The following SLC12A4 variants were observed in gnomAD, a reference collection of about 807,000 sequenced individuals.
SLC12A4 encodes electroneutral potassium-chloride cotransporter 1.
A neutral mutation model predicts 119.2 loss-of-function variants in SLC12A4; 84 were observed. That is an observed-to-expected ratio of 0.70 (90% CI 0.59 to 0.85). The LOEUF (loss-of-function observed/expected upper bound fraction) is 0.85, where lower values mean the gene tolerates loss of function less well. SLC12A4 is among the 40% of genes least tolerant of loss of function. The pLI is 0.00. For synonymous variants in SLC12A4, 599 were observed against 604.6 expected (o/e 0.99, Z 0.14); for missense variants, 1,298 against 1,476.3 (o/e 0.88, Z 1.98).
intron 3 of SLC12A4, among the ~76,000 whole-genome samples, chr16:67,959,150 G>A (rs1016646542): frequency 2.0e-5 from 3 of 152,116 alleles, no homozygotes; most frequent in African/African-American, 7.2e-5. Context: ...GATCTAATAC[G>A]CAAATCCAGG....
intron 6 of SLC12A4, 68 bp from the exon 7 acceptor site, chr16:67,952,493 T>G: frequency 6.3e-7 from 1 of 1,590,598 alleles, no homozygotes; most frequent in East Asian, 2.2e-5. Flanking sequence ...TCGTTTTGGT[T>G]TTCTTTTTAC....
rs2058350861 is a variant in SLC12A4 at position 67,946,448 on chromosome 16, C to T, written c.2427G>A (p.Lys809=). ...CAGGCCTTCACACACCAATGAAGGT[C>T]TTCCAGGCACGGGGGTCCTCGCTCT... The part of the protein sequence containing the change: ...WRQSEDPRAW[K]TFIDTVRCTT... The change falls in exon 18 of 24, where the codon AAG becomes AAA. Residue 809 remains lysine, a synonymous_variant. Transcript: ENST00000316341. 3.1e-6 allele frequency: 5 copies of T among 1,605,560 alleles called. No homozygotes were observed. Among genetic ancestry groups the T allele is most frequent in the Non-Finnish European group, 4.2e-6 (5 of 1,179,872 alleles).
chr16:67,947,662 C>T lies in SLC12A4; in HGVS notation c.1967+7G>A. On this transcript the variant is annotated splice_region_variant and intron_variant, in intron 15 of 23. Coordinates refer to ENST00000316341, the MANE Select transcript of SLC12A4 (RefSeq NM_005072.5). ...CTGGCAGAGGCCAGGTGGCAGTGCT[C>T]ACTCACCCTTGGTACTCGATGTATT... is the stretch of plus-strand genomic sequence containing the variant. 1 of 1,594,648 alleles carries T rather than the reference C, an allele frequency of 6.3e-7. No individual in the cohort carries two copies. The highest frequency in any genetic ancestry group is 1.8e-5 in the Admixed American group (1 of 57,108).
At chr16:67,947,889 T>G in intron 14 of SLC12A4, 101 bp from the exon 15 acceptor site, 1 of 1,514,966 alleles carries the variant, frequency 6.6e-7, no homozygotes, top group Non-Finnish European at 8.9e-7. Flanking sequence ...GGGTGGGAGG[T>G]CCCAGGTGGG....
At chr16:67,948,242 G>A (rs780355691) in intron 13 of SLC12A4, 83 bp from the exon 14 acceptor site, 161 of 1,357,746 alleles carry the variant, frequency 1.2e-4, no homozygotes, top group Non-Finnish European at 1.5e-4. Flanking sequence ...GCCCAGAAAC[G>A]GGGCGTGGCC....
intron 15 of SLC12A4, 32 bp downstream of exon 15, chr16:67,947,637 C>A: frequency 6.3e-7 from 1 of 1,584,744 alleles, no homozygotes; most frequent in East Asian, 2.3e-5. Context: ...GCCCCCTCAG[C>A]TGGCAGAGGC....
chr16:67,945,621 T>G (rs2058335021), intron 21 of SLC12A4, 68 bp from the exon 22 acceptor site: 14 of 1,550,508 alleles, frequency 9.0e-6, no homozygotes, highest in Non-Finnish European at 1.2e-5. Flanking sequence ...TCTGGCCCAA[T>G]GTGACCACCT....
intron 1 of SLC12A4, among the ~76,000 whole-genome samples, chr16:67,964,940 T>C (rs1333375999): frequency 6.6e-6 from 1 of 152,230 alleles, no homozygotes; most frequent in Non-Finnish European, 1.5e-5. Context: ...AAATCAAGTG[T>C]GCCCATGACA....
In SLC12A4 at chr16:67,952,335, T is replaced by A; in HGVS notation, c.766A>T (p.Thr256Ser). The change falls in exon 7 of 24, where the codon ACC (threonine) becomes TCC (serine). Residue 256 changes from threonine to serine, a missense_variant. By Grantham distance (58) the Thr-to-Ser change is moderately conservative (BLOSUM62 1). Transcript: ENST00000316341. ...ATLNNMRVYG[T>S]IFLTFMTLVV... ...AGGGTCATGAAGGTCAGGAAAATGGTCCCATACACACGCATATTGTTCAAA... is the reference window on the plus strand; with the variant it reads ...AGGGTCATGAAGGTCAGGAAAATGGACCCATACACACGCATATTGTTCAAA... The A allele has an allele frequency of 6.2e-7, 1 of 1,614,096 alleles. No individual in the cohort carries two copies. The highest frequency in any genetic ancestry group is 8.5e-7 in the Non-Finnish European group (1 of 1,180,024).
At position 67,947,428 on chromosome 16, in the gene SLC12A4, T is replaced by C. The variant is rs377604203; in HGVS notation, c.1975A>G (p.Lys659Glu). The C allele has an allele frequency of 3.1e-6, 5 of 1,612,052 alleles. No homozygotes were observed. The highest frequency in any genetic ancestry group is 3.3e-5 in the Admixed American group (2 of 59,984). ...YKYIEYQGAEKEWGDGIRGLS... is the reference protein window; with the variant it reads ...YKYIEYQGAEEEWGDGIRGLS... The stretch of plus-strand genomic sequence containing the variant: ...CCTCGGATCCCGTCACCCCACTCCT[T>C]CTCAGCCCTGCAGATTCCACCACAG... The change falls in exon 16 of 24, where the codon AAG becomes GAG. Residue 659 changes from lysine (K) to glutamate (E), a missense_variant. By Grantham distance (56) the Lys-to-Glu change is moderately conservative. Coordinates refer to ENST00000316341, the MANE Select transcript of SLC12A4 (RefSeq NM_005072.5).
At position 67,961,647 on chromosome 16, in the gene SLC12A4, G is replaced by T; in HGVS notation, c.270C>A (p.Thr90=). The change falls in exon 3 of 24, where the codon ACC becomes ACA. Residue 90 remains threonine, a synonymous_variant. Coordinates refer to ENST00000316341, the MANE Select transcript of SLC12A4 (RefSeq NM_005072.5). ...GCTCTTTGGCGCCCTGGGTGAGGTT[G>T]GTGTAGCTGACGAGCTTTCCCAGAA... ...SSLLGKLVSY[T]NLTQGAKEHE... is the part of the protein sequence containing the mutation. The T allele has an allele frequency of 1.9e-6, 3 of 1,614,196 alleles. No homozygotes were observed. Among genetic ancestry groups the T allele is most frequent in the Non-Finnish European group, 2.5e-6 (3 of 1,180,016 alleles).
chr16:67,947,257 C>A, intron 16 of SLC12A4, 74 bp downstream of exon 16: 2 of 1,520,868 alleles, frequency 1.3e-6, no homozygotes, highest in South Asian at 1.2e-5. Context: ...GGAGCCGGCA[C>A]CTCTCGACCC....
At chr16:67,955,527 G>C (rs1019809023) in intron 5 of SLC12A4, among the ~76,000 whole-genome samples, 6 of 152,140 alleles carry the variant, frequency 3.9e-5, no homozygotes, top group African/African-American at 1.4e-4. Context: ...TTCCAGACCA[G>C]TCTGGGCAAC....
At chr16:67,946,368 C>G (rs1329966142) in intron 18 of SLC12A4, 28 bp from the exon 19 acceptor site, 6 of 1,604,956 alleles carry the variant, frequency 3.7e-6, no homozygotes, top group Non-Finnish European at 5.1e-6. Context: ...GGCTGACCAC[C>G]AGTCTGTGGC....
chr16:67,945,846 G>A lies in SLC12A4; in HGVS notation c.2765C>T (p.Thr922Ile). Residue 922 changes from threonine (T) to isoleucine (I), a missense_variant, in exon 21 of 24, where the codon ACC (threonine) becomes ATC (isoleucine). By Grantham distance (89) the Thr-to-Ile change is moderately conservative. Coordinates refer to ENST00000316341, the MANE Select transcript of SLC12A4 (RefSeq NM_005072.5). ...CTCCATCATCAGCGTCCGCTCGTAG[G>A]TGTATGCAGAGATGTCACTGTTATG... ...EMHNSDISAYTYERTLMMEQR... is the reference protein window; with the variant it reads ...EMHNSDISAYIYERTLMMEQR... 6.2e-7 allele frequency: 1 copy of A among 1,614,050 alleles called. No homozygotes were observed. Among genetic ancestry groups the A allele is most frequent in the Non-Finnish European group, 8.5e-7 (1 of 1,180,046 alleles).
Position 67,945,102 on chromosome 16 carries a change from C to T in SLC12A4, c.3151G>A (p.Glu1051Lys), listed in dbSNP as rs2058325731. ...LNMPGPPRNS[E>K]GDENYMEFLE... ...AAAGGGATACAGTTCTCGTCGCCCT[C>T]ACTGTTCCTGGGTGGGCCAGGCATG... The change falls in exon 23 of 24, where the codon GAG becomes AAG. Residue 1051 changes from glutamate to lysine, a missense_variant. Transcript: ENST00000316341. The T allele has an allele frequency of 6.3e-7, 1 of 1,585,904 alleles. No homozygotes were observed. The highest frequency in any genetic ancestry group is 1.8e-5 in the Admixed American group (1 of 56,548).
Position 67,948,095 on chromosome 16 carries a change from G to A in SLC12A4, c.1813C>T (p.Pro605Ser). ...ACAVQTLLRT[P>S]NWRPRFKYYH... ...TACTTGAACCGGGGCCGCCAGTTGG[G>A]GGTCCTCAGGAGTGTCTGCACCGCA... The change falls in exon 14 of 24, where the codon CCC becomes TCC. Residue 605 changes from proline to serine, a missense_variant. Physicochemically the swap from Pro to Ser is moderately conservative, Grantham distance 74 (BLOSUM62 -1). Transcript: ENST00000316341. 1.9e-6 allele frequency: 3 copies of A among 1,613,248 alleles called. No homozygotes were observed. Among genetic ancestry groups the A allele is most frequent in the Non-Finnish European group, 2.5e-6 (3 of 1,180,012 alleles).
chr16:67,949,685 C>T lies in SLC12A4; in HGVS notation c.1748+115G>A. 1 of 694,964 alleles carries T rather than the reference C, an allele frequency of 1.4e-6. No individual in the cohort carries two copies. The highest frequency in any genetic ancestry group is 3.4e-4 in the Middle Eastern group (1 of 2,930). The allele number at this position is 694,964 out of a possible 1,614,324, so 43.0% of individuals were successfully genotyped here. ...TGAGCCCTGTCAGGCCACATCTCCC[C>T]ATGCAGCCTGCCACATCTCCCAGCT... On this transcript the variant is annotated intron_variant, in intron 13 of 23. Transcript: ENST00000316341. This position sits in a 1 kb window ranked among gnomAD's most constrained non-coding sequence, Gnocchi z 4.6.
chr16:67,946,312 G>A lies in SLC12A4; in HGVS notation c.2466C>T (p.His822=). ...IDTVRCTTAA[H]LALLVPKNIA... is the part of the protein sequence containing the mutation. ...TGTTCTTGGGCACGAGCAGGGCCAG[G>A]TGGGCAGCCGTAGTGCAGCGCACGG... Residue 822 remains histidine (H), a synonymous_variant, in exon 19 of 24, where the codon CAC becomes CAT. Coordinates refer to ENST00000316341, the MANE Select transcript of SLC12A4 (RefSeq NM_005072.5). 14 of 1,611,664 alleles carry A rather than the reference G, an allele frequency of 8.7e-6. No individual in the cohort carries two copies. Among genetic ancestry groups the A allele is most frequent in the Non-Finnish European group, 1.2e-5 (14 of 1,180,030 alleles).
Sources: allele counts gnomAD v4.1 joint callset (sites outside exome capture counted in the v4.1 genomes callset), GRCh38; gene constraint gnomAD v4.1.1; non-coding constraint Gnocchi (gnomAD v3.1); transcripts MANE v1.5; gene names NCBI Gene and HGNC (gene_info 2026-07-23, HGNC 2026-07-21).